Variants in CADPS2 observed in about 807,000 individuals in gnomAD.
CADPS2 encodes calcium-dependent secretion activator 2.
CADPS2 carries 93 observed loss-of-function variants against 172.5 expected under a neutral mutation model. The ratio of observed to expected loss-of-function variants is 0.54; its 90% CI spans 0.46 to 0.64. The LOEUF (loss-of-function observed/expected upper bound fraction) is 0.64, where lower values mean the gene tolerates loss of function less well. CADPS2 is among the 30% of genes least tolerant of loss of function. The pLI is 0.00. For missense variants in CADPS2, 1,420 were observed against 1,565.9 expected (o/e 0.91, Z 1.57); for synonymous variants, 546 against 555.2 (o/e 0.98, Z 0.23).
At chr7:122,561,907 A>AGATG (rs1172590364) in intron 7 of CADPS2, among the ~76,000 whole-genome samples, 1 of 152,168 alleles carries the variant, frequency 6.6e-6, no homozygotes, top group African/African-American at 2.4e-5. Context: ...TTGGCTGGAA[A>AGATG]GATGGATGGA....
At chr7:122,480,801 C>T in intron 12 of CADPS2, 51 bp downstream of exon 12, 1 of 1,256,864 alleles carries the variant, frequency 8.0e-7, no homozygotes, top group Non-Finnish European at 1.1e-6. Context: ...AACATAGTAT[C>T]ATTAAAAATT....
At chr7:122,498,000 G>C (rs1269038601) in intron 9 of CADPS2, among the ~76,000 whole-genome samples, 1 of 152,154 alleles carries the variant, frequency 6.6e-6, no homozygotes, top group Admixed American at 6.6e-5. Flanking sequence ...TGGTGGCCCA[G>C]GTTGGAAGGC....
At chr7:122,738,074 C>A (rs1162341335) in intron 1 of CADPS2, among the ~76,000 whole-genome samples, 1 of 152,102 alleles carries the variant, frequency 6.6e-6, no homozygotes, top group African/African-American at 2.4e-5. Flanking sequence ...ATGCTCTGAA[C>A]TGGGGAAGTT....
chr7:122,861,756 C>T (rs1044417185), intron 1 of CADPS2, among the ~76,000 whole-genome samples: 4 of 152,206 alleles, frequency 2.6e-5, no homozygotes, highest in Admixed American at 2.0e-4. Flanking sequence ...ACGCACTATG[C>T]GTATATATTG....
intron 1 of CADPS2, among the ~76,000 whole-genome samples, chr7:122,868,240 G>A (rs1320793667): frequency 6.6e-6 from 1 of 152,000 alleles, no homozygotes; most frequent in African/African-American, 2.4e-5. Flanking sequence ...AGACCACAGA[G>A]AACAAAAGTG....
At chr7:122,879,006 C>T (rs556853536) in intron 1 of CADPS2, among the ~76,000 whole-genome samples, 89 of 152,160 alleles carry the variant, frequency 5.8e-4, no homozygotes, top group African/African-American at 1.7e-3. Flanking sequence ...GAGGCTGAGG[C>T]GGGCAGATCA....
rs1228608884 is a variant in CADPS2, at chr7:122,546,952, GAATA to G, written c.1475+7594_1475+7597del. Reference sequence around the variant, plus strand: ...AAGTGTACACCAAATAGAATTGACAGAATAAATACTGAAATAAATATAGCATGAC... The same window carrying G: ...AAGTGTACACCAAATAGAATTGACAGAATACTGAAATAAATATAGCATGAC... On this transcript the variant is annotated intron_variant, in intron 8 of 29. Transcript: ENST00000449022. 7.9e-5 allele frequency among the ~76,000 whole-genome samples: 12 copies of G among 152,042 alleles called. No individual in the cohort carries two copies. In the East Asian group the frequency reaches 1.9e-3, roughly 24 times the overall value.
chr7:122,849,676 C>A, intron 1 of CADPS2: 1 of 321,000 alleles, frequency 3.1e-6, no homozygotes, highest in Non-Finnish European at 6.0e-6. Flanking sequence ...ATAAAAGAGG[C>A]ATTTGATTGG....
At chr7:122,424,559 G>C (rs1238639131) in intron 17 of CADPS2, 1 of 152,254 alleles carries the variant, frequency 6.6e-6, no homozygotes, top group Non-Finnish European at 1.5e-5. Flanking sequence ...GAATATTGAG[G>C]CATAATCTTC....
chr7:122,752,314 C>T (rs1022491921), intron 1 of CADPS2, among the ~76,000 whole-genome samples: 1 of 152,054 alleles, frequency 6.6e-6, no homozygotes, highest in African/African-American at 2.4e-5. Context: ...AAAATTATCT[C>T]TATAGCAAAG....
intron 2 of CADPS2, among the ~76,000 whole-genome samples, chr7:122,716,348 G>A (rs1025983777): frequency 6.6e-6 from 1 of 152,018 alleles, no homozygotes; most frequent in African/African-American, 2.4e-5. Context: ...ACACTGCATA[G>A]GGCAGGCCCA....
intron 13 of CADPS2, 145 bp from the exon 14 acceptor site, chr7:122,471,707 A>G: frequency 1.5e-6 from 1 of 676,054 alleles, no homozygotes; most frequent in Non-Finnish European, 2.4e-6. Flanking sequence ...TTTCATGAAG[A>G]GCTAATGTCA....
chr7:122,462,135 G>A (rs1223544686), intron 14 of CADPS2, among the ~76,000 whole-genome samples: 2 of 152,092 alleles, frequency 1.3e-5, no homozygotes, highest in African/African-American at 2.4e-5. Context: ...AAGCAAATAC[G>A]AAGTACAAAA....
chr7:122,766,089 G>A (rs960906349), intron 1 of CADPS2, among the ~76,000 whole-genome samples: 4 of 152,070 alleles, frequency 2.6e-5, no homozygotes, highest in Non-Finnish European at 5.9e-5. Flanking sequence ...GTAGGGAAAC[G>A]GAAGGGGGAG....
intron 1 of CADPS2, among the ~76,000 whole-genome samples, chr7:122,783,449 A>C (rs1793277845): frequency 6.6e-6 from 1 of 152,136 alleles, no homozygotes; most frequent in Admixed American, 6.5e-5. Context: ...CACATGGGGC[A>C]CCAACTGTGG....
At chr7:122,763,085 A>T (rs962451743) in intron 1 of CADPS2, among the ~76,000 whole-genome samples, 9 of 152,172 alleles carry the variant, frequency 5.9e-5, no homozygotes, top group Non-Finnish European at 1.2e-4. Flanking sequence ...CTGTGTTAAC[A>T]GGCCTTTGGA....
At chr7:122,821,740 T>C (rs1803369984) in intron 1 of CADPS2, among the ~76,000 whole-genome samples, 1 of 152,180 alleles carries the variant, frequency 6.6e-6, no homozygotes, top group Admixed American at 6.5e-5. Context: ...CTTAAGGTCC[T>C]CCATCTTCAA....
intron 6 of CADPS2, among the ~76,000 whole-genome samples, chr7:122,588,725 G>C (rs2070205263): frequency 6.6e-6 from 1 of 151,828 alleles, no homozygotes; most frequent in East Asian, 1.9e-4. Flanking sequence ...TCTTTCTGCT[G>C]TCCTATGAGA....
rs369032733 is a variant in CADPS2, at chr7:122,648,637, T to C, written c.786+14600A>G. The stretch of plus-strand genomic sequence containing the variant: ...TATAAAAGCTCCAGCAGGTAAACAC[T>C]GACAATCCCTAGATCCTGCCAGAAA... On this transcript the variant is annotated intron_variant, in intron 3 of 29. Coordinates refer to ENST00000449022, the MANE Select transcript of CADPS2 (RefSeq NM_017954.11). 4.6e-5 allele frequency among the ~76,000 whole-genome samples: 7 copies of C among 152,130 alleles called. No individual in the cohort carries two copies. In the East Asian group the frequency reaches 7.7e-4, roughly 17 times the overall value.
Sources: allele counts gnomAD v4.1 joint callset (sites outside exome capture counted in the v4.1 genomes callset), GRCh38; gene constraint gnomAD v4.1.1; transcripts MANE v1.5; gene names NCBI Gene and HGNC (gene_info 2026-07-23, HGNC 2026-07-21).